The following RNFT2 variants were observed in gnomAD, a reference collection of about 807,000 sequenced individuals.
RNFT2 encodes the protein ring finger protein, transmembrane 2.
RNFT2 carries 36 observed loss-of-function variants against 53.0 expected under a neutral mutation model. The ratio of observed to expected loss-of-function variants is 0.68; its 90% CI spans 0.52 to 0.90. RNFT2 has a LOEUF of 0.90. Among genes scored for constraint, RNFT2 ranks in the 40% least tolerant of loss-of-function variants. The pLI, the probability that RNFT2 is intolerant of heterozygous loss-of-function variation, is 0.00. For missense variants in RNFT2, 514 were observed against 585.6 expected, an observed-to-expected ratio of 0.88 and a Z score of 1.26; for synonymous variants, 260 against 253.2, an observed-to-expected ratio of 1.03 and a Z score of -0.26.
At chr12:116,820,909 GC>G (rs777190855) in intron 7 of RNFT2, among the ~76,000 whole-genome samples, 2 of 152,094 alleles carry the variant, frequency 1.3e-5, no homozygotes, top group Non-Finnish European at 2.9e-5. Flanking sequence ...CTAGAAGCCA[GC>G]CCTAGTCCTT....
chr12:116,774,071 C>T (rs1157963110), intron 6 of RNFT2, among the ~76,000 whole-genome samples: 2 of 152,196 alleles, frequency 1.3e-5, no homozygotes, highest in African/African-American at 4.8e-5. Flanking sequence ...TGTATGATTT[C>T]ACTTACATGA....
chr12:116,848,410 C>T (rs1242732098), intron 10 of RNFT2, among the ~76,000 whole-genome samples: 1 of 152,156 alleles, frequency 6.6e-6, no homozygotes, highest in African/African-American at 2.4e-5. Context: ...CTTTAAACTG[C>T]AAATCATATC....
chr12:116,849,366 G>T lies in RNFT2; in HGVS notation c.1253G>T (p.Cys418Phe). Reference protein sequence around the residue: ...LCLWLDRERTCPLCRSVAVDT... With the variant: ...LCLWLDRERTFPLCRSVAVDT... ...CTGTGGCTGGACCGTGAGCGCACCT[G>T]CCCGCTCTGCCGCTCGGTCGCCGTG... The change falls in exon 11 of 11, where the codon TGC becomes TTC. Residue 418 changes from cysteine (C) to phenylalanine (F), a missense_variant. Around this residue, in one of 3 missense-constraint regions of RNFT2, gnomAD observed 273 missense variants for 334.4 expected, o/e 0.82. Coordinates refer to ENST00000257575, the MANE Select transcript of RNFT2 (RefSeq NM_001382266.1). 1 of 1,549,926 alleles carries T rather than the reference G, an allele frequency of 6.5e-7. No individual in the cohort carries two copies.
intron 7 of RNFT2, among the ~76,000 whole-genome samples, chr12:116,808,086 C>G (rs1384201335): frequency 6.6e-6 from 1 of 152,140 alleles, no homozygotes; most frequent in African/African-American, 2.4e-5. Flanking sequence ...GCCTCAGCCT[C>G]CCAAATAACT....
chr12:116,836,414 C>T, intron 10 of RNFT2, 132 bp downstream of exon 10: 1 of 726,002 alleles, frequency 1.4e-6, no homozygotes, highest in Middle Eastern at 3.8e-4. Context: ...GTCAGCCAGA[C>T]CTGGGTTCCA....
chr12:116,840,278 CG>C (rs1225645145), intron 10 of RNFT2, among the ~76,000 whole-genome samples: 4 of 152,152 alleles, frequency 2.6e-5, no homozygotes, highest in Non-Finnish European at 5.9e-5. Context: ...ACAGACACTT[CG>C]GGCGGGAAGT....
chr12:116,794,656 A>AAGGGAGGG (rs1360465846), intron 7 of RNFT2, among the ~76,000 whole-genome samples: 2 of 38,192 alleles, frequency 5.2e-5, no homozygotes, highest in African/African-American at 2.2e-4. Context: ...AGAAGGAAGG[A>AAGGGAGGG]AGGAAGGGAG....
At chr12:116,820,288 C>G (rs4767457) in intron 7 of RNFT2, among the ~76,000 whole-genome samples, 118,462 of 151,960 alleles carry the variant, frequency 0.78, 48,281 homozygotes, top group Non-Finnish European at 0.91. Flanking sequence ...CATTATGTTT[C>G]CCAGTCTGGT....
chr12:116,812,473 A>G (rs1875428689), intron 7 of RNFT2, among the ~76,000 whole-genome samples: 1 of 151,622 alleles, frequency 6.6e-6, no homozygotes, highest in South Asian at 2.1e-4. Context: ...ACACTAGGTG[A>G]GGCCAGGAGG....
At chr12:116,775,476 G>A (rs551486637) in intron 6 of RNFT2, among the ~76,000 whole-genome samples, 4 of 152,150 alleles carry the variant, frequency 2.6e-5, no homozygotes, top group Non-Finnish European at 5.9e-5. Flanking sequence ...ACTTACCACT[G>A]AGCTTGAATC....
intron 7 of RNFT2, among the ~76,000 whole-genome samples, chr12:116,832,898 CTTTTTTTTTTT>C (rs71095601): frequency 2.4e-5 from 2 of 84,776 alleles, no homozygotes; most frequent in African/African-American, 9.7e-5. Flanking sequence ...AAGTCGTGTT[CTTTTTTTTTTT>C]TTTTTTTTTT....
At chr12:116,794,388 A>AG (rs1874386784) in intron 7 of RNFT2, among the ~76,000 whole-genome samples, 1 of 151,988 alleles carries the variant, frequency 6.6e-6, no homozygotes, top group Non-Finnish European at 1.5e-5. Flanking sequence ...CCTTGAGGTC[A>AG]GGAGTTCGAG....
At chr12:116,847,482 C>T (rs1431121256) in intron 10 of RNFT2, among the ~76,000 whole-genome samples, 5 of 151,710 alleles carry the variant, frequency 3.3e-5, no homozygotes, top group African/African-American at 7.3e-5. Context: ...AGCCAGAGAA[C>T]GGTGGAACCC....
Position 116,849,452 on chromosome 12 carries a change from C to A in RNFT2, c.*4C>A. 1 of 1,584,172 alleles carries A rather than the reference C, an allele frequency of 6.3e-7. No homozygotes were observed. The highest frequency in any genetic ancestry group is 2.3e-5 in the East Asian group (1 of 43,990). On this transcript the variant is annotated 3_prime_UTR_variant, in exon 11 of 11. Transcript: ENST00000257575. Reference sequence around the variant, plus strand: ...CGCACACTTCCAGGTGTACTAGGACCGAACACTGAGGACACCCAGAAGGAC... The same window carrying A: ...CGCACACTTCCAGGTGTACTAGGACAGAACACTGAGGACACCCAGAAGGAC...
In RNFT2 at chr12:116,818,861, G is replaced by A. The variant is rs913064655; in HGVS notation, c.883-14931G>A. Among the ~76,000 whole-genome samples the A allele has an allele frequency of 1.6e-4, 25 of 152,336 alleles. 1 individual carries two copies. Among genetic ancestry groups the A allele is most frequent in the Middle Eastern group, 3.4e-3 (1 of 294 alleles). On this transcript the variant is annotated intron_variant, in intron 7 of 10. Transcript: ENST00000257575. ...TGGAACAGGACCCAGCATTGCGGGG[G>A]CACGCCGCAAGTGGGACCGTTACCA...
chr12:116,784,182 C>G (rs1873828605), intron 7 of RNFT2, among the ~76,000 whole-genome samples: 1 of 152,242 alleles, frequency 6.6e-6, no homozygotes, highest in Non-Finnish European at 1.5e-5. Flanking sequence ...GGGCATTGTA[C>G]AGATTCACTT....
intron 10 of RNFT2, among the ~76,000 whole-genome samples, chr12:116,838,218 C>T (rs1877077735): frequency 6.6e-6 from 1 of 152,112 alleles, no homozygotes; most frequent in Non-Finnish European, 1.5e-5. Context: ...TTTGTTATTA[C>T]AAATAAGGCT....
intron 7 of RNFT2, among the ~76,000 whole-genome samples, chr12:116,800,153 C>G (rs1331827698): frequency 6.6e-6 from 1 of 152,086 alleles, no homozygotes; most frequent in Non-Finnish European, 1.5e-5. Flanking sequence ...CCATGCTCCC[C>G]CTACAGTCTG....
chr12:116,771,162 C>T (rs998525528), intron 6 of RNFT2, among the ~76,000 whole-genome samples: 4 of 151,966 alleles, frequency 2.6e-5, no homozygotes, highest in African/African-American at 7.2e-5. Context: ...GTCCTCTAGA[C>T]GTTAAACATG....
Sources: gnomAD v4.1 joint callset for allele counts (sites outside exome capture counted in the v4.1 genomes callset) on GRCh38, gnomAD v4.1.1 for gene constraint, gnomAD v4.1.1 regional missense constraint, MANE v1.5 for transcripts, NCBI Gene and HGNC (gene_info 2026-07-23, HGNC 2026-07-21) for gene names.